CLN6: variants seen among roughly 807,000 people sequenced by gnomAD.
CLN6 encodes the protein CLN6 transmembrane ER protein.
CLN6 carries 22 observed loss-of-function variants against 33.3 expected under a neutral mutation model. The observed-to-expected ratio is 0.66, with a 90% confidence interval of 0.47 to 0.94. The LOEUF (loss-of-function observed/expected upper bound fraction) is 0.94, where lower values mean the gene tolerates loss of function less well. Ranked by LOEUF, CLN6 falls within the 40% of genes least tolerant of loss-of-function variation. The pLI is 0.00. For synonymous variants in CLN6, 201 were observed against 174.6 expected (o/e 1.15, Z -1.19); for missense variants, 387 against 417.1 (o/e 0.93, Z 0.63).
chr15:68,216,118 G>C (rs1714135160), intron 2 of CLN6, among the ~76,000 whole-genome samples: 1 of 152,224 alleles, frequency 6.6e-6, no homozygotes, highest in African/African-American at 2.4e-5. Context: ...GCTCTAAGCA[G>C]GATGGGGGAA....
rs1892292443 is a variant in CLN6, at chr15:68,243,000, TGA to T, written c.179+13688_179+13689del. On this transcript the variant is annotated intron_variant, in intron 1 of 6. Coordinates refer to the CLN6 transcript ENST00000538696. The surrounding 1 kb of genome is among the most constrained non-coding windows in gnomAD (Gnocchi z 5.0). ...AAGCGTTAACATTGTAATATGTAGTTGAGACGACTGCAGAAACAGTTTTATAT... is the reference window on the plus strand; with the variant it reads ...AAGCGTTAACATTGTAATATGTAGTTGACGACTGCAGAAACAGTTTTATAT... Among the ~76,000 whole-genome samples the T allele has an allele frequency of 6.6e-6, 1 of 152,222 alleles. No homozygotes were observed. The highest frequency in any genetic ancestry group is 6.5e-5 in the Admixed American group (1 of 15,276).
At chr15:68,214,260 C>T (rs777976727) in intron 3 of CLN6, 30 bp downstream of exon 3, 9 of 1,523,836 alleles carry the variant, frequency 5.9e-6, no homozygotes, top group Non-Finnish European at 7.3e-6. Context: ...ATGGGGATGA[C>T]AGGAGAGAGT....
chr15:68,224,140 T>C (rs558116200), intron 1 of CLN6, among the ~76,000 whole-genome samples: 34 of 151,690 alleles, frequency 2.2e-4, no homozygotes, highest in Admixed American at 2.1e-3. Context: ...GTGGCACACA[T>C]CTGTAGTTCC....
chr15:68,240,574 G>A lies in CLN6; in HGVS notation c.179+16116C>T, dbSNP rs142035348. Reference sequence around the variant, plus strand: ...TGAGATCGTGCCACTGCACTGCAGCGTGGGCAACAGAGCGAGACTCTGTCT... The same window carrying A: ...TGAGATCGTGCCACTGCACTGCAGCATGGGCAACAGAGCGAGACTCTGTCT... On this transcript the variant is annotated intron_variant, in intron 1 of 6. Coordinates refer to the CLN6 transcript ENST00000538696. Among the ~76,000 whole-genome samples the A allele has an allele frequency of 4.9e-3, 745 of 152,066 alleles. 6 individuals carry two copies. The highest frequency in any genetic ancestry group is 0.017 in the African/African-American group (695 of 41,494).
Position 68,227,083 on chromosome 15 carries a change from G to T in CLN6, c.83+2419C>A, listed in dbSNP as rs2093254556. ...TTGAGACAGTCTCACTGTCATCCAGGCTGGAGTGCAGTGGCGCCATCTCGG... is the reference window on the plus strand; with the variant it reads ...TTGAGACAGTCTCACTGTCATCCAGTCTGGAGTGCAGTGGCGCCATCTCGG... On this transcript the variant is annotated intron_variant, in intron 1 of 6. Transcript: ENST00000249806. The surrounding 1 kb of genome is among the most constrained non-coding windows in gnomAD (Gnocchi z 4.1). Among the ~76,000 whole-genome samples, 1 of 151,208 alleles carries T rather than the reference G, an allele frequency of 6.6e-6. No individual in the cohort carries two copies. Among genetic ancestry groups the T allele is most frequent in the South Asian group, 2.1e-4 (1 of 4,802 alleles).
At chr15:68,224,265 C>CAAAAAAA (rs34196710) in intron 1 of CLN6, among the ~76,000 whole-genome samples, 6 of 46,730 alleles carry the variant, frequency 1.3e-4, no homozygotes, top group East Asian at 7.7e-4. Context: ...GACCTTATTG[C>CAAAAAAA]AAAAAAAAAA....
rs912111084 is a variant in CLN6, at chr15:68,236,967, C to T, written c.180-18317G>A. On this transcript the variant is annotated intron_variant, in intron 1 of 6. Transcript: ENST00000538696. This position sits in a 1 kb window ranked among gnomAD's most constrained non-coding sequence, Gnocchi z 4.5. ...GGTCAGGAGATCGAGACCATCCTGG[C>T]TAACAAGGTGAAACCCCGTCTCTAC... Among the ~76,000 whole-genome samples the T allele has an allele frequency of 1.3e-5, 2 of 149,782 alleles. No individual in the cohort carries two copies. Among genetic ancestry groups the T allele is most frequent in the African/African-American group, 4.9e-5 (2 of 40,520 alleles).
intron 2 of CLN6, chr15:68,218,228 G>A (rs2093225922): frequency 2.9e-6 from 1 of 344,840 alleles, no homozygotes; most frequent in Non-Finnish European, 5.7e-6. Flanking sequence ...TTGGTGATTT[G>A]GTTCAACCTG....
At chr15:68,232,371 C>A (rs1202668327), upstream of CLN6, among the ~76,000 whole-genome samples, 3 of 152,114 alleles carry the variant, frequency 2.0e-5, no homozygotes, top group African/African-American at 2.4e-5. The surrounding 1 kb of genome is among the most constrained non-coding windows in gnomAD (Gnocchi z 4.7). Context: ...GTTAGCCAGG[C>A]TGGTCTTGAT....
chr15:68,207,999 CG>C lies in CLN6; in HGVS notation c.*140del. 1.3e-6 allele frequency: 1 copy of C among 796,820 alleles called. No individual in the cohort carries two copies. Among genetic ancestry groups the C allele is most frequent in the Non-Finnish European group, 2.1e-6 (1 of 486,946 alleles). 49.4% of individuals were successfully genotyped at this position (796,820 alleles called of 1,614,324 possible). A position where few individuals can be genotyped will look rare whatever the true frequency, so the allele number is the denominator to read the frequency against. ...TACAAGACACACACACACACACACA[CG>C]AATCCACGCACACGAGGCACACCCC... On this transcript the variant is annotated 3_prime_UTR_variant, in exon 7 of 7. Coordinates refer to ENST00000249806, the MANE Select transcript of CLN6 (RefSeq NM_017882.3).
At chr15:68,216,167 A>T (rs1346279013) in intron 2 of CLN6, among the ~76,000 whole-genome samples, 3 of 152,154 alleles carry the variant, frequency 2.0e-5, no homozygotes, top group Non-Finnish European at 4.4e-5. Flanking sequence ...TGCCAGTAGA[A>T]GCTGGGTCCT....
Position 68,241,208 on chromosome 15 carries a change from A to C in CLN6, c.179+15482T>G, listed in dbSNP as rs1222300778. ...AGAAAGCCTGGAGACTTCCAGTCCAAAACTGGTGGTGTAGAAGCAAGCTGG... is the reference window on the plus strand; with the variant it reads ...AGAAAGCCTGGAGACTTCCAGTCCACAACTGGTGGTGTAGAAGCAAGCTGG... On this transcript the variant is annotated intron_variant, in intron 1 of 6. Coordinates refer to the CLN6 transcript ENST00000538696. The surrounding 1 kb of genome is among the most constrained non-coding windows in gnomAD (Gnocchi z 4.2). 6.6e-6 allele frequency among the ~76,000 whole-genome samples: 1 copy of C among 152,222 alleles called. No homozygotes were observed. Among genetic ancestry groups the C allele is most frequent in the Non-Finnish European group, 1.5e-5 (1 of 68,036 alleles).
chr15:68,221,509 G>A (rs990180792), intron 1 of CLN6, among the ~76,000 whole-genome samples: 1 of 152,034 alleles, frequency 6.6e-6, no homozygotes, highest in South Asian at 2.1e-4. Flanking sequence ...TGGGATTGCA[G>A]ACGGAGTCTC....
chr15:68,240,242 A>G (rs1371304780), intron 1 of CLN6, among the ~76,000 whole-genome samples: 3 of 152,204 alleles, frequency 2.0e-5, no homozygotes, highest in Non-Finnish European at 4.4e-5. Flanking sequence ...AAGGAAAGAG[A>G]TAATAAATAT....
intron 3 of CLN6, chr15:68,213,076 C>T (rs1319623113): frequency 2.7e-5 from 4 of 150,518 alleles, no homozygotes; most frequent in African/African-American, 9.8e-5. Flanking sequence ...CACACCACCG[C>T]ACCTGGCTAA....
Position 68,228,869 on chromosome 15 carries a change from G to A in CLN6, c.83+633C>T, listed in dbSNP as rs2093259512. On this transcript the variant is annotated intron_variant, in intron 1 of 6. Coordinates refer to ENST00000249806, the MANE Select transcript of CLN6 (RefSeq NM_017882.3). This position sits in a 1 kb window ranked among gnomAD's most constrained non-coding sequence, Gnocchi z 4.4. ...TGAATGCAGTGAATGTTTCTGGTCA[G>A]TAAAACGGGACGAAGGTAGAATGGA... Among the ~76,000 whole-genome samples the A allele has an allele frequency of 6.6e-6, 1 of 152,180 alleles. No individual in the cohort carries two copies. The highest frequency in any genetic ancestry group is 1.5e-5 in the Non-Finnish European group (1 of 68,028).
chr15:68,212,006 G>T (rs1045516052), intron 3 of CLN6, 143 bp from the exon 4 acceptor site: 1 of 776,378 alleles, frequency 1.3e-6, no homozygotes, highest in Non-Finnish European at 2.1e-6. Flanking sequence ...CCTTTAGCAG[G>T]CCAGCCCAGC....
At position 68,235,167 on chromosome 15, in the gene CLN6, C is replaced by G. The variant is rs540510756; in HGVS notation, c.180-16517G>C. Reference sequence around the variant, plus strand: ...CCCTAAGGGATAGCGCTAACCTTGGCTCCTGCTTATAGATGAGTTAACTCA... The same window carrying G: ...CCCTAAGGGATAGCGCTAACCTTGGGTCCTGCTTATAGATGAGTTAACTCA... On this transcript the variant is annotated intron_variant, in intron 1 of 6. Coordinates refer to the CLN6 transcript ENST00000538696. 1.3e-4 allele frequency among the ~76,000 whole-genome samples: 20 copies of G among 152,318 alleles called. No individual in the cohort carries two copies. The South Asian group carries it at 4.1e-3, about 32-fold the overall frequency.
Position 68,254,310 on chromosome 15 carries a change from A to T in CLN6, c.179+2380T>A, listed in dbSNP as rs147983285. ...CATACAGGTGGATGCATGAGCAGGTAATGTTCTCGTTCTTAAGTTGGATGG... is the reference window on the plus strand; with the variant it reads ...CATACAGGTGGATGCATGAGCAGGTTATGTTCTCGTTCTTAAGTTGGATGG... On this transcript the variant is annotated intron_variant, in intron 1 of 6. Coordinates refer to the CLN6 transcript ENST00000538696. Among the ~76,000 whole-genome samples the T allele has an allele frequency of 3.0e-3, 451 of 152,266 alleles. 5 individuals carry two copies. Among genetic ancestry groups the T allele is most frequent in the African/African-American group, 0.01 (435 of 41,544 alleles).
Sources: allele counts gnomAD v4.1 joint callset (sites outside exome capture counted in the v4.1 genomes callset), GRCh38; gene constraint gnomAD v4.1.1; non-coding constraint Gnocchi (gnomAD v3.1); transcripts MANE v1.5; gene names NCBI Gene and HGNC (gene_info 2026-07-23, HGNC 2026-07-21).